ATG7: variants seen among roughly 807,000 people sequenced by gnomAD.
ATG7 encodes the protein autophagy related 7, also known as ubiquitin-like modifier-activating enzyme ATG7.
A neutral mutation model predicts 82.4 loss-of-function variants in ATG7; 70 were observed. The ratio of observed to expected loss-of-function variants is 0.85; its 90% confidence interval spans 0.70 to 1.04. The LOEUF (loss-of-function observed/expected upper bound fraction) is 1.04, where lower values mean the gene tolerates loss of function less well. ATG7 is among the 50% of genes least tolerant of loss of function. The pLI, the probability that ATG7 is intolerant of heterozygous loss-of-function variation, is 0.00. For synonymous variants in ATG7, 287 were observed against 313.0 expected (o/e 0.92, Z 0.88); for missense variants, 792 against 864.3 (o/e 0.92, Z 1.05).
intron 20 of ATG7, among the ~76,000 whole-genome samples, chr3:11,484,657 A>G (rs1210340783): frequency 6.6e-6 from 1 of 152,132 alleles, no homozygotes; most frequent in African/African-American, 2.4e-5. Context: ...CCATTAACTC[A>G]TCATTCAGCA....
chr3:11,558,452 C>CA, downstream of ATG7: 48 of 1,355,770 alleles, frequency 3.5e-5, no homozygotes, highest in East Asian at 5.4e-5. Flanking sequence ...CATCCCTTCC[C>CA]TTCCCCCCAC....
chr3:11,565,369 T>G, the ATG7 span, among the ~76,000 whole-genome samples: 11 of 152,098 alleles, frequency 7.2e-5, no homozygotes, highest in African/African-American at 2.7e-4. This position sits in a 1 kb window ranked among gnomAD's most constrained non-coding sequence, Gnocchi z 4.1. Context: ...GACCTGCCAT[T>G]TGGACAGGAC....
chr3:11,476,373 T>C (rs1276741779), intron 20 of ATG7, among the ~76,000 whole-genome samples: 1 of 151,914 alleles, frequency 6.6e-6, no homozygotes, highest in Admixed American at 6.6e-5. Flanking sequence ...GCGTCAACAA[T>C]GGCTGGTAGC....
the ATG7 span, among the ~76,000 whole-genome samples, chr3:11,576,353 C>G: frequency 1.3e-5 from 2 of 152,182 alleles, no homozygotes; most frequent in African/African-American, 4.8e-5. Context: ...TTTAAAATTC[C>G]TACTGCTAAT....
intron 11 of ATG7, among the ~76,000 whole-genome samples, chr3:11,337,729 G>T (rs146214111): frequency 6.6e-6 from 1 of 151,952 alleles, no homozygotes; most frequent in Admixed American, 6.6e-5. Flanking sequence ...CCTTCCTCCT[G>T]CAATCTTTCC....
chr3:11,326,500 G>C (rs555100586), intron 9 of ATG7, among the ~76,000 whole-genome samples: 1 of 152,064 alleles, frequency 6.6e-6, no homozygotes, highest in Non-Finnish European at 1.5e-5. Context: ...GGGTTTCACT[G>C]TGTTAGCCAG....
intron 19 of ATG7, among the ~76,000 whole-genome samples, chr3:11,418,967 TC>T (rs199667100): frequency 1.1e-4 from 17 of 151,006 alleles, no homozygotes; most frequent in South Asian, 4.2e-4. Flanking sequence ...AAACTGCCCC[TC>T]CCCCCCGATC....
At chr3:11,518,482 G>A (rs953363776) in intron 20 of ATG7, among the ~76,000 whole-genome samples, 5 of 152,022 alleles carry the variant, frequency 3.3e-5, no homozygotes, top group African/African-American at 1.2e-4. Context: ...AGAAGGTAGA[G>A]GTTGCAGTGG....
chr3:11,290,522 C>T, intron 3 of ATG7: 2 of 357,338 alleles, frequency 5.6e-6, no homozygotes, highest in South Asian at 2.0e-5. Context: ...GGATCTTGGC[C>T]TTCTCCTTCC....
chr3:11,313,435 C>T lies in ATG7; in HGVS notation c.528+15C>T, dbSNP rs767224966. On this transcript the variant is annotated intron_variant, in intron 8 of 20. Transcript: ENST00000693202. ...CACTAAAACAGGTATCAACAAATAA[C>T]CAAAATGCACATAAAATTGGGTTGA... 1.3e-6 allele frequency: 2 copies of T among 1,554,918 alleles called. No individual in the cohort carries two copies. Among genetic ancestry groups the T allele is most frequent in the African/African-American group, 1.4e-5 (1 of 73,178 alleles).
chr3:11,311,560 G>A (rs182831579), intron 7 of ATG7, among the ~76,000 whole-genome samples: 3 of 150,218 alleles, frequency 2.0e-5, no homozygotes, highest in African/African-American at 7.4e-5. Flanking sequence ...TGAGATCGTC[G>A]TGCCGTTGCA....
At chr3:11,551,906 G>A (rs1476962477) in intron 20 of ATG7, among the ~76,000 whole-genome samples, 4 of 151,818 alleles carry the variant, frequency 2.6e-5, no homozygotes, top group East Asian at 1.9e-4. Context: ...CCACCACCAC[G>A]CCTGGCTAAT....
intron 20 of ATG7, among the ~76,000 whole-genome samples, chr3:11,433,217 C>T (rs915444825): frequency 7.1e-5 from 10 of 139,990 alleles, no homozygotes; most frequent in Non-Finnish European, 1.5e-4. Context: ...CAGGAGTTTG[C>T]GGCAGACAGT....
chr3:11,440,733 G>A (rs955852764), intron 20 of ATG7, among the ~76,000 whole-genome samples: 1 of 118,430 alleles, frequency 8.4e-6, no homozygotes, highest in African/African-American at 3.2e-5. Context: ...GCCCAGGCTG[G>A]AGTGCAATGG....
At chr3:11,349,767 A>G (rs936630875) in intron 14 of ATG7, among the ~76,000 whole-genome samples, 2 of 152,176 alleles carry the variant, frequency 1.3e-5, no homozygotes, top group African/African-American at 4.8e-5. Flanking sequence ...TACTTAGTAC[A>G]GGTTTATGAA....
chr3:11,306,752 TA>T (rs1005337294), intron 5 of ATG7, among the ~76,000 whole-genome samples, 190 bp from the exon 6 acceptor site: 2 of 152,188 alleles, frequency 1.3e-5, no homozygotes, highest in African/African-American at 4.8e-5. Flanking sequence ...TATAGGCTTT[TA>T]GGGGGGAATG....
intron 19 of ATG7, among the ~76,000 whole-genome samples, chr3:11,412,234 G>A (rs930050456): frequency 1.3e-5 from 2 of 150,568 alleles, no homozygotes; most frequent in Non-Finnish European, 2.9e-5. Context: ...CTGGTGCTGT[G>A]ATCTGATGAG....
At chr3:11,553,585 G>C (rs1316688377) in intron 20 of ATG7, among the ~76,000 whole-genome samples, 9 of 152,164 alleles carry the variant, frequency 5.9e-5, no homozygotes, top group Non-Finnish European at 1.3e-4. Flanking sequence ...GGATGAGCTC[G>C]GTGGGGACCT....
At chr3:11,308,941 A>C (rs1948199940) in intron 6 of ATG7, 43 bp from the exon 7 acceptor site, 1 of 1,558,214 alleles carries the variant, frequency 6.4e-7, no homozygotes, top group East Asian at 2.2e-5. Flanking sequence ...AGAAACTCAG[A>C]GATGCCTGGT....
Sources: gnomAD v4.1 joint callset for allele counts (sites outside exome capture counted in the v4.1 genomes callset) on GRCh38, gnomAD v4.1.1 for gene constraint, Gnocchi (gnomAD v3.1) non-coding constraint, MANE v1.5 for transcripts, NCBI Gene and HGNC (gene_info 2026-07-23, HGNC 2026-07-21) for gene names.